The following SMARCA2 variants were observed in gnomAD, a reference collection of about 807,000 sequenced individuals.
SMARCA2 encodes SWI/SNF-related matrix-associated actin-dependent regulator of chromatin subfamily A member 2.
Under a neutral mutation model 199.8 loss-of-function variants are expected in SMARCA2, and 61 were observed. That is an observed-to-expected ratio of 0.31 (90% CI 0.25 to 0.38). The LOEUF is 0.38. Among genes scored for constraint, SMARCA2 ranks in the 10% least tolerant of loss-of-function variants. The pLI, the probability that SMARCA2 is intolerant of heterozygous loss-of-function variation, is 1.00. For missense variants in SMARCA2, 1,344 were observed against 2,012.2 expected, an observed-to-expected ratio of 0.67 and a Z score of 6.35; for synonymous variants, 935 against 732.0, an observed-to-expected ratio of 1.28 and a Z score of -4.48.
rs1016331730 is a variant in SMARCA2, at chr9:2,017,557, T to C, written c.-37+2153T>C. On this transcript the variant is annotated intron_variant, in intron 1 of 33. Coordinates refer to ENST00000349721, the MANE Select transcript of SMARCA2 (RefSeq NM_003070.5). The surrounding 1 kb of genome is among the most constrained non-coding windows in gnomAD (Gnocchi z 8.8). ...GTGTGCGTGTGGTTGTGAGTGTGTGTGTGTGCGCGCGCGAGCGGCGGAGAA... is the reference window on the plus strand; with the variant it reads ...GTGTGCGTGTGGTTGTGAGTGTGTGCGTGTGCGCGCGCGAGCGGCGGAGAA... 1 of 152,122 alleles carries C rather than the reference T, an allele frequency of 6.6e-6. No homozygotes were observed. The highest frequency in any genetic ancestry group is 6.6e-5 in the Admixed American group (1 of 15,250). 9.4% of individuals were successfully genotyped at this position (152,122 alleles called of 1,614,324 possible). A position where few individuals can be genotyped will look rare whatever the true frequency, so the allele number is the denominator to read the frequency against.
At chr9:2,099,458 G>A (rs1268972417) in intron 21 of SMARCA2, among the ~76,000 whole-genome samples, 3 of 152,170 alleles carry the variant, frequency 2.0e-5, no homozygotes, top group African/African-American at 7.2e-5. Flanking sequence ...GCTAAGTAGG[G>A]AAGGAAGGGA....
intron 27 of SMARCA2, among the ~76,000 whole-genome samples, chr9:2,130,560 A>T (rs1367978998): frequency 6.6e-6 from 1 of 152,216 alleles, no homozygotes; most frequent in Admixed American, 6.5e-5. Context: ...AGAAAGTGTG[A>T]AAGAGAATAT....
intron 10 of SMARCA2, among the ~76,000 whole-genome samples, chr9:2,070,844 T>A (rs1586672248): frequency 1.3e-5 from 2 of 152,364 alleles, no homozygotes; most frequent in East Asian, 1.9e-4. Context: ...TAGTTTATTA[T>A]TAATTTGAAA....
chr9:2,096,610 G>A (rs778340905), intron 19 of SMARCA2, 47 bp from the exon 20 acceptor site: 15 of 1,179,820 alleles, frequency 1.3e-5, no homozygotes, highest in African/African-American at 3.0e-5. Flanking sequence ...TAGAACAGGC[G>A]CCTTCTCCTT....
intron 17 of SMARCA2, 82 bp downstream of exon 17, chr9:2,084,278 T>C (rs1444215663): frequency 3.1e-5 from 22 of 707,946 alleles, no homozygotes; most frequent in Non-Finnish European, 5.0e-5. Context: ...AGTAGTGTAA[T>C]TGGATCCTTA....
chr9:2,166,628 A>T (rs1825942975), intron 28 of SMARCA2, among the ~76,000 whole-genome samples: 2 of 152,150 alleles, frequency 1.3e-5, no homozygotes, highest in Admixed American at 1.3e-4. Context: ...TATGTTTACT[A>T]TGTTTATGTA....
Position 2,121,342 on chromosome 9 carries a change from A to G in SMARCA2, c.3762+1807A>G, listed in dbSNP as rs139585726. 4.5e-4 allele frequency among the ~76,000 whole-genome samples: 68 copies of G among 152,334 alleles called. No individual in the cohort carries two copies. The East Asian group carries it at 0.012, about 27-fold the overall frequency. On this transcript the variant is annotated intron_variant, in intron 26 of 33. Coordinates refer to ENST00000349721, the MANE Select transcript of SMARCA2 (RefSeq NM_003070.5). ...AGGCTGGCTAGGGAACACTTTTTGT[A>G]GGCACTTTGATTTTGTGAATTTTCT... is the stretch of plus-strand genomic sequence containing the variant.
Position 2,017,460 on chromosome 9 carries a change from C to G in SMARCA2, c.-37+2056C>G, listed in dbSNP as rs1341447216. The stretch of plus-strand genomic sequence containing the variant: ...GGGAGCAGCGGCTCGGGCAGCTGCT[C>G]CTGCCCGCACCCTCCCCTGGAGCCC... On this transcript the variant is annotated intron_variant, in intron 1 of 33. Transcript: ENST00000349721. The surrounding 1 kb of genome is among the most constrained non-coding windows in gnomAD (Gnocchi z 8.8). The G allele has an allele frequency of 1.3e-5, 2 of 152,030 alleles. No homozygotes were observed. Among genetic ancestry groups the G allele is most frequent in the Admixed American group, 6.6e-5 (1 of 15,226 alleles). 9.4% of individuals were successfully genotyped at this position (152,030 alleles called of 1,614,324 possible).
Position 2,158,989 on chromosome 9 carries a change from T to G in SMARCA2, c.3982-2697T>G, listed in dbSNP as rs557173858. Reference sequence around the variant, plus strand: ...TTGAGGGGAATAATGGTCAGTACTTTGTGTGTTTCCTTGTAATTCCAAAAC... The same window carrying G: ...TTGAGGGGAATAATGGTCAGTACTTGGTGTGTTTCCTTGTAATTCCAAAAC... On this transcript the variant is annotated intron_variant, in intron 27 of 33. Transcript: ENST00000349721. 213 of 1,611,960 alleles carry G rather than the reference T, an allele frequency of 1.3e-4. 2 individuals are homozygous for G. In the South Asian group the frequency reaches 2.3e-3, roughly 17 times the overall value.
At chr9:2,073,715 C>T (rs1477208324) in intron 12 of SMARCA2, 92 bp downstream of exon 12, 1 of 899,934 alleles carries the variant, frequency 1.1e-6, no homozygotes, top group South Asian at 1.5e-5. Context: ...TTGGGTCCTT[C>T]TATCATTTCT....
chr9:2,089,892 T>C (rs565524736), intron 19 of SMARCA2, among the ~76,000 whole-genome samples: 2 of 152,214 alleles, frequency 1.3e-5, no homozygotes, highest in Non-Finnish European at 2.9e-5. Context: ...ATTTATCCCA[T>C]AATTTCTTTT....
chr9:2,063,166 G>A (rs1820678373), intron 9 of SMARCA2, among the ~76,000 whole-genome samples: 1 of 152,116 alleles, frequency 6.6e-6, no homozygotes, highest in African/African-American at 2.4e-5. Flanking sequence ...TATCTTACTG[G>A]GAGAAGTGGG....
intron 25 of SMARCA2, among the ~76,000 whole-genome samples, chr9:2,117,858 G>C (rs1444756672): frequency 8.5e-5 from 13 of 152,132 alleles, no homozygotes; most frequent in Admixed American, 7.9e-4. Flanking sequence ...TTTTCAGGGG[G>C]GCTTGTGTCC....
rs1826168636 is a variant in SMARCA2, at chr9:2,170,163, G to A, written c.4200-256G>A. 6.6e-6 allele frequency among the ~76,000 whole-genome samples: 1 copy of A among 152,200 alleles called. No homozygotes were observed. Among genetic ancestry groups the A allele is most frequent in the African/African-American group, 2.4e-5 (1 of 41,452 alleles). On this transcript the variant is annotated intron_variant, in intron 28 of 33. Coordinates refer to ENST00000349721, the MANE Select transcript of SMARCA2 (RefSeq NM_003070.5). The surrounding 1 kb of genome is among the most constrained non-coding windows in gnomAD (Gnocchi z 4.7). ...AATGGAACATGTAAGAGGGAACAGG[G>A]TAACAGGAATTTCTGTGTGTGACGG...
intron 27 of SMARCA2, chr9:2,158,966 G>C: frequency 6.2e-7 from 1 of 1,612,242 alleles, no homozygotes; most frequent in Non-Finnish European, 8.5e-7. Flanking sequence ...ACCTTAGTTT[G>C]AGGGGAATAA....
chr9:2,021,775 G>C (rs116656882), intron 1 of SMARCA2, among the ~76,000 whole-genome samples: 2,523 of 152,268 alleles, frequency 0.017, 69 homozygotes, highest in African/African-American at 0.056. Flanking sequence ...ATTTATAATA[G>C]CATATTGAAT....
rs1440505834 is a variant in SMARCA2 at position 2,193,407 on chromosome 9, C to CAATCT, written c.*670_*674dup. 2 of 152,616 alleles carry CAATCT rather than the reference C, an allele frequency of 1.3e-5. No homozygotes were observed. Among genetic ancestry groups the CAATCT allele is most frequent in the African/African-American group, 4.8e-5 (2 of 41,428 alleles). 9.5% of individuals were successfully genotyped at this position (152,616 alleles called of 1,614,324 possible). A position where few individuals can be genotyped will look rare whatever the true frequency, so the allele number is the denominator to read the frequency against. On this transcript the variant is annotated 3_prime_UTR_variant, in exon 34 of 34. Transcript: ENST00000349721. ...TTGTTGAAAGCGCTATTGAATATTG[C>CAATCT]AATCTATATAGTGTATTGGATGGCT...
chr9:2,191,543 T>G (rs1827885554), intron 33 of SMARCA2, 135 bp downstream of exon 33: 1 of 956,182 alleles, frequency 1.0e-6, no homozygotes, highest in African/African-American at 1.6e-5. Flanking sequence ...TGAGATTTCA[T>G]TATTGAGGGA....
intron 26 of SMARCA2, among the ~76,000 whole-genome samples, chr9:2,121,891 T>A (rs1415305539): frequency 1.3e-5 from 2 of 152,218 alleles, no homozygotes; most frequent in African/African-American, 4.8e-5. Context: ...CTATGTTCTC[T>A]ACAAAGGGAA....
Sources: gnomAD v4.1 joint callset for allele counts (sites outside exome capture counted in the v4.1 genomes callset) on GRCh38, gnomAD v4.1.1 for gene constraint, Gnocchi (gnomAD v3.1) non-coding constraint, MANE v1.5 for transcripts, NCBI Gene and HGNC (gene_info 2026-07-23, HGNC 2026-07-21) for gene names.